Variants in SASH1 observed in about 807,000 individuals in gnomAD.
SASH1 encodes SAM and SH3 domain containing 1, also known as SAM and SH3 domain-containing protein 1.
Under a neutral mutation model 125.2 loss-of-function variants are expected in SASH1, and 44 were observed. The ratio of observed to expected loss-of-function variants is 0.35; its 90% confidence interval spans 0.28 to 0.45. The LOEUF (loss-of-function observed/expected upper bound fraction) is 0.45. SASH1 is among the 20% of genes least tolerant of loss of function. The pLI, the probability that SASH1 is intolerant of heterozygous loss-of-function variation, is 1.00. For missense variants in SASH1, 1,426 were observed against 1,614.5 expected, an observed-to-expected ratio of 0.88 and a Z score of 2.00; for synonymous variants, 639 against 649.1, an observed-to-expected ratio of 0.98 and a Z score of 0.24.
the SASH1 span, among the ~76,000 whole-genome samples, chr6:148,195,188 G>T: frequency 6.6e-6 from 1 of 152,090 alleles, no homozygotes; most frequent in East Asian, 1.9e-4. Context: ...CAATACTTAG[G>T]TTTTTTTAAA....
chr6:148,471,469 G>A lies in SASH1; in HGVS notation c.480G>A (p.Lys160=), dbSNP rs1257865524. 1 of 1,497,414 alleles carries A rather than the reference G, an allele frequency of 6.7e-7. No individual in the cohort carries two copies. The highest frequency in any genetic ancestry group is 1.2e-5 in the South Asian group (1 of 86,140). The allele number at this position is 1,497,414 out of a possible 1,614,324, so 92.8% of individuals were successfully genotyped here. A position where few individuals can be genotyped will look rare whatever the true frequency, so the allele number is the denominator to read the frequency against. The change falls in exon 6 of 20, where the codon AAG becomes AAA. Residue 160 remains lysine, a synonymous_variant. Transcript: ENST00000367467. Reference sequence around the variant, plus strand: ...AGTATTTCTGGCAGAACTTCCGAAAGAACCAGAAAGGAATAATGAGACAGA... The same window carrying A: ...AGTATTTCTGGCAGAACTTCCGAAAAAACCAGAAAGGAATAATGAGACAGA... The part of the protein sequence containing the change: ...KNKYFWQNFR[K]NQKGIMRQTS...
intron 2 of SASH1, among the ~76,000 whole-genome samples, chr6:148,438,528 G>T (rs1291011356): frequency 6.6e-6 from 1 of 152,080 alleles, no homozygotes; most frequent in East Asian, 1.9e-4. Context: ...CCAGGAGGAG[G>T]TTAATGAGAG....
the SASH1 span, among the ~76,000 whole-genome samples, chr6:148,238,453 G>A: frequency 5.8e-3 from 887 of 152,060 alleles, 7 homozygotes; most frequent in African/African-American, 0.02. Flanking sequence ...CAAACTCCTG[G>A]CCTCAGGTGA....
the SASH1 span, among the ~76,000 whole-genome samples, chr6:148,193,741 ATTAC>A: frequency 6.6e-6 from 1 of 152,238 alleles, no homozygotes; most frequent in Admixed American, 6.5e-5. Context: ...ACTCTTGCTT[ATTAC>A]TTTAAGTGAA....
chr6:148,389,229 C>T, intron 1 of SASH1, among the ~76,000 whole-genome samples: 1 of 152,202 alleles, frequency 6.6e-6, no homozygotes, highest in East Asian at 1.9e-4. Flanking sequence ...CGTGTTACTC[C>T]AGTAGTCCTC....
the SASH1 span, among the ~76,000 whole-genome samples, chr6:148,193,481 A>C: frequency 6.6e-6 from 1 of 152,230 alleles, no homozygotes; most frequent in Non-Finnish European, 1.5e-5. Context: ...CAATATTATG[A>C]AAGTGGCTTG....
chr6:148,442,715 A>C (rs757604611), intron 4 of SASH1, among the ~76,000 whole-genome samples: 3 of 152,014 alleles, frequency 2.0e-5, no homozygotes, highest in Non-Finnish European at 4.4e-5. Context: ...GAAACTTAAT[A>C]ACTTTTTCTA....
At chr6:148,329,787 A>G (rs961979293) in intron 1 of SASH1, among the ~76,000 whole-genome samples, 3 of 152,296 alleles carry the variant, frequency 2.0e-5, no homozygotes, top group Admixed American at 2.0e-4. Context: ...CGTGAGAAGA[A>G]AGATATATGT....
At position 148,455,814 on chromosome 6, in the gene SASH1, C is replaced by G. The variant is rs570664325; in HGVS notation, c.387-12731C>G. On this transcript the variant is annotated intron_variant, in intron 4 of 19. Transcript: ENST00000367467. Reference sequence around the variant, plus strand: ...ATGCTGCCCGTTGGGAGAAGTAGGGCAGGTGGGCGGCTCCCACAGCCATGG... The same window carrying G: ...ATGCTGCCCGTTGGGAGAAGTAGGGGAGGTGGGCGGCTCCCACAGCCATGG... 1.8e-4 allele frequency among the ~76,000 whole-genome samples: 28 copies of G among 152,284 alleles called. 2 individuals are homozygous for G. In the South Asian group the frequency reaches 3.7e-3, roughly 20 times the overall value.
At chr6:148,456,815 T>C (rs1777373552) in intron 4 of SASH1, among the ~76,000 whole-genome samples, 1 of 151,326 alleles carries the variant, frequency 6.6e-6, no homozygotes, top group African/African-American at 2.4e-5. Context: ...CAGTGAGCTA[T>C]AATCACATCA....
At chr6:148,375,185 T>A (rs1321301287) in intron 1 of SASH1, among the ~76,000 whole-genome samples, 1 of 151,554 alleles carries the variant, frequency 6.6e-6, no homozygotes, top group African/African-American at 2.4e-5. Context: ...AGAGATAGGG[T>A]TTCACCATGT....
At chr6:148,401,776 A>T (rs184796038) in intron 2 of SASH1, among the ~76,000 whole-genome samples, 10 of 149,212 alleles carry the variant, frequency 6.7e-5, no homozygotes, top group Admixed American at 4.8e-4. Context: ...GAACATCTGG[A>T]TGTGTGTGTG....
chr6:148,241,762 G>A, the SASH1 span, among the ~76,000 whole-genome samples: 1 of 152,154 alleles, frequency 6.6e-6, no homozygotes, highest in African/African-American at 2.4e-5. Context: ...ACCTTGGGAA[G>A]TTGACTTAAC....
the SASH1 span, among the ~76,000 whole-genome samples, chr6:148,262,649 C>T: frequency 5.3e-5 from 8 of 152,088 alleles, no homozygotes; most frequent in East Asian, 1.9e-4. Context: ...TTTGGGAGGC[C>T]GAGGCAGGCA....
At chr6:148,271,138 G>A (rs1274061052), upstream of SASH1, among the ~76,000 whole-genome samples, 1 of 152,070 alleles carries the variant, frequency 6.6e-6, no homozygotes, top group Non-Finnish European at 1.5e-5. Context: ...TCGAACTCCT[G>A]ACCTCAGGTG....
intron 4 of SASH1, among the ~76,000 whole-genome samples, chr6:148,452,534 GT>G (rs1415504776): frequency 6.6e-6 from 1 of 152,230 alleles, no homozygotes; most frequent in Non-Finnish European, 1.5e-5. Context: ...CTGAGCGTGA[GT>G]TTACGCTCCG....
At chr6:148,291,556 C>T (rs1018786260) in intron 1 of SASH1, among the ~76,000 whole-genome samples, 1 of 151,962 alleles carries the variant, frequency 6.6e-6, no homozygotes, top group African/African-American at 2.4e-5. Context: ...GGTGACATGG[C>T]GCCTATAGTC....
At chr6:148,299,704 G>A (rs1185313619) in intron 1 of SASH1, among the ~76,000 whole-genome samples, 1 of 150,062 alleles carries the variant, frequency 6.7e-6, no homozygotes, top group Non-Finnish European at 1.5e-5. Context: ...AGGGTTCTCT[G>A]GGGTTTGATG....
chr6:148,222,288 GA>G, the SASH1 span, among the ~76,000 whole-genome samples: 1 of 152,140 alleles, frequency 6.6e-6, no homozygotes, highest in Non-Finnish European at 1.5e-5. Context: ...CATAGCCACA[GA>G]AAAATATTTC....
Sources: allele counts gnomAD v4.1 joint callset (sites outside exome capture counted in the v4.1 genomes callset), GRCh38; gene constraint gnomAD v4.1.1; transcripts MANE v1.5; gene names NCBI Gene and HGNC (gene_info 2026-07-23, HGNC 2026-07-21).